The following ADGRL3 variants were observed in gnomAD, a reference collection of about 807,000 sequenced individuals.
The protein encoded by ADGRL3 is adhesion G protein-coupled receptor L3, also known as calcium-independent alpha-latrotoxin receptor 3.
A neutral mutation model predicts 153.5 loss-of-function variants in ADGRL3; 62 were observed. The observed-to-expected ratio is 0.40, with a 90% CI of 0.33 to 0.50. ADGRL3 has a LOEUF of 0.50. ADGRL3 is among the 20% of genes least tolerant of loss of function. ADGRL3 has a pLI of 0.47. For synonymous variants in ADGRL3, 710 were observed against 672.5 expected (o/e 1.06, Z -0.86); for missense variants, 1,641 against 1,859.4 (o/e 0.88, Z 2.16).
intron 1 of ADGRL3, among the ~76,000 whole-genome samples, chr4:61,292,850 G>A (rs1427580629): frequency 6.6e-6 from 1 of 152,114 alleles, no homozygotes. Flanking sequence ...AAGGCAAATA[G>A]AACCTTCTTG....
At chr4:61,234,877 G>C (rs1752243460) in intron 1 of ADGRL3, among the ~76,000 whole-genome samples, 1 of 152,128 alleles carries the variant, frequency 6.6e-6, no homozygotes, top group Non-Finnish European at 1.5e-5. Flanking sequence ...GTGCAAATAA[G>C]AATCATAGAC....
At chr4:62,016,418 G>A (rs1322331176) in intron 21 of ADGRL3, among the ~76,000 whole-genome samples, 1 of 152,052 alleles carries the variant, frequency 6.6e-6, no homozygotes, top group Non-Finnish European at 1.5e-5. Context: ...TCTCTTTGAA[G>A]GATATTTTCC....
chr4:62,005,961 TACACATAC>T (rs1380233201), intron 21 of ADGRL3, among the ~76,000 whole-genome samples: 82 of 82,650 alleles, frequency 9.9e-4, no homozygotes, highest in African/African-American at 3.3e-3. Flanking sequence ...TACATATATA[TACACATAC>T]ACACACACAC....
intron 5 of ADGRL3, among the ~76,000 whole-genome samples, chr4:61,605,655 C>T (rs1280062588): frequency 6.6e-6 from 1 of 152,082 alleles, no homozygotes; most frequent in East Asian, 1.9e-4. Flanking sequence ...ATAAGAGAAA[C>T]CAAAATGCTG....
rs1164521408 is a variant in ADGRL3, at chr4:61,291,567, C to CAT, written c.-240+89816_-240+89817dup. Reference sequence around the variant, plus strand: ...ATATGAAGGGAAGACTATATATATACATATATATATATATACATATATATA... The same window carrying CAT: ...ATATGAAGGGAAGACTATATATATACATATATATATATATATACATATATATA... On this transcript the variant is annotated intron_variant, in intron 1 of 26. Transcript: ENST00000683033. Among the ~76,000 whole-genome samples, 40 of 134,372 alleles carry CAT rather than the reference C, an allele frequency of 3.0e-4. 2 individuals carry two copies. Among genetic ancestry groups the CAT allele is most frequent in the South Asian group, 9.4e-4 (4 of 4,266 alleles). The allele number at this position is 134,372 out of a possible 152,430, so 88.2% of individuals were successfully genotyped here. A position where few individuals can be genotyped will look rare whatever the true frequency, so the allele number is the denominator to read the frequency against.
intron 21 of ADGRL3, among the ~76,000 whole-genome samples, chr4:62,001,125 T>C (rs2099138995): frequency 6.6e-6 from 1 of 152,110 alleles, no homozygotes; most frequent in African/African-American, 2.4e-5. Flanking sequence ...TATAGATATA[T>C]TGTTGGAAAA....
intron 1 of ADGRL3, among the ~76,000 whole-genome samples, chr4:61,342,687 A>G (rs1425240071): frequency 6.6e-6 from 1 of 152,136 alleles, no homozygotes; most frequent in South Asian, 2.1e-4. Flanking sequence ...TTCTTCATTA[A>G]GAAACATTCT....
chr4:61,954,211 C>T (rs2150381336), intron 17 of ADGRL3, among the ~76,000 whole-genome samples: 1 of 152,130 alleles, frequency 6.6e-6, no homozygotes, highest in African/African-American at 2.4e-5. Flanking sequence ...ATGCTCTGGT[C>T]CTAAAGCATG....
chr4:61,806,411 A>G (rs143639762), intron 8 of ADGRL3, among the ~76,000 whole-genome samples: 2,006 of 151,860 alleles, frequency 0.013, 22 homozygotes, highest in Non-Finnish European at 0.021. Context: ...TAATGTATAT[A>G]AATACAATAT....
intron 1 of ADGRL3, among the ~76,000 whole-genome samples, chr4:61,255,076 C>T (rs528761914): frequency 6.6e-6 from 1 of 152,034 alleles, no homozygotes; most frequent in African/African-American, 2.4e-5. Flanking sequence ...CATGAACATA[C>T]ATTAGATTAA....
intron 11 of ADGRL3, among the ~76,000 whole-genome samples, chr4:61,905,009 A>G (rs1389185891): frequency 1.3e-5 from 2 of 152,200 alleles, no homozygotes; most frequent in East Asian, 1.9e-4. Flanking sequence ...AAATAATTAC[A>G]TAAGAACCCA....
chr4:61,788,989 C>T (rs1205454542), intron 8 of ADGRL3, among the ~76,000 whole-genome samples: 1 of 152,110 alleles, frequency 6.6e-6, no homozygotes, highest in Non-Finnish European at 1.5e-5. Context: ...AATCAAGTCT[C>T]AGTTCTTCAC....
chr4:61,332,052 A>G (rs1505680), intron 1 of ADGRL3, among the ~76,000 whole-genome samples: 4,408 of 152,168 alleles, frequency 0.029, 190 homozygotes, highest in African/African-American at 0.098. Context: ...TAAATACTCA[A>G]TTTTGTCAAA....
chr4:61,631,687 C>T (rs2093173339), intron 5 of ADGRL3, among the ~76,000 whole-genome samples: 1 of 152,056 alleles, frequency 6.6e-6, no homozygotes, highest in African/African-American at 2.4e-5. Context: ...ATTAACTACA[C>T]AGATGAAGAA....
intron 8 of ADGRL3, among the ~76,000 whole-genome samples, chr4:61,804,890 G>A (rs2097536355): frequency 6.6e-6 from 1 of 151,678 alleles, no homozygotes; most frequent in South Asian, 2.1e-4. Flanking sequence ...GCATTTCGTT[G>A]CAATCCACCT....
intron 5 of ADGRL3, among the ~76,000 whole-genome samples, chr4:61,641,009 C>G (rs1041787742): frequency 1.3e-5 from 2 of 152,156 alleles, no homozygotes; most frequent in African/African-American, 2.4e-5. Flanking sequence ...TCCACTTAAA[C>G]AGTTTATATT....
intron 2 of ADGRL3, among the ~76,000 whole-genome samples, chr4:61,469,059 A>T (rs1194361928): frequency 6.6e-6 from 1 of 152,024 alleles, no homozygotes; most frequent in South Asian, 2.1e-4. Context: ...AGGAACCATT[A>T]GAATATTAGA....
intron 1 of ADGRL3, among the ~76,000 whole-genome samples, chr4:61,364,351 A>C: frequency 6.7e-6 from 1 of 148,956 alleles, no homozygotes; most frequent in East Asian, 1.9e-4. Context: ...AAAAAATAAT[A>C]ATAATAATAA....
intron 9 of ADGRL3, among the ~76,000 whole-genome samples, chr4:61,872,085 G>A (rs563653791): frequency 1.3e-5 from 2 of 152,186 alleles, no homozygotes; most frequent in East Asian, 1.9e-4. Flanking sequence ...TCTAGAAAAT[G>A]CCTGGCACAC....
Sources: allele counts gnomAD v4.1 joint callset (sites outside exome capture counted in the v4.1 genomes callset), GRCh38; gene constraint gnomAD v4.1.1; transcripts MANE v1.5; gene names NCBI Gene and HGNC (gene_info 2026-07-23, HGNC 2026-07-21).